Variants in DOK6 observed in about 807,000 individuals in gnomAD.
The protein encoded by DOK6 is docking protein 6.
A neutral mutation model predicts 44.0 loss-of-function variants in DOK6; 22 were observed. The ratio of observed to expected loss-of-function variants is 0.50; its 90% CI spans 0.36 to 0.71. The LOEUF is 0.71. DOK6 is among the 30% of genes least tolerant of loss of function. The pLI, the probability that DOK6 is intolerant of heterozygous loss-of-function variation, is 0.00. For synonymous variants in DOK6, 166 were observed against 145.5 expected, an observed-to-expected ratio of 1.14 and a Z score of -1.01; for missense variants, 340 against 416.4, an observed-to-expected ratio of 0.82 and a Z score of 1.60.
At chr18:69,588,647 C>T (rs1285450596) in intron 2 of DOK6, among the ~76,000 whole-genome samples, 1 of 152,030 alleles carries the variant, frequency 6.6e-6, no homozygotes. Context: ...CTGAGAGATT[C>T]CCACCAGGAC....
intron 3 of DOK6, among the ~76,000 whole-genome samples, chr18:69,670,269 T>C (rs1448001395): frequency 6.6e-6 from 1 of 152,142 alleles, no homozygotes; most frequent in Non-Finnish European, 1.5e-5. Context: ...CTCTGTATGA[T>C]TTCAGACTTC....
chr18:69,514,715 G>GTT (rs3044894), intron 1 of DOK6, among the ~76,000 whole-genome samples: 60,037 of 148,852 alleles, frequency 0.4, 12,976 homozygotes, highest in Non-Finnish European at 0.49. Context: ...TAGGTTTTTT[G>GTT]TTTTTTTTTA....
rs1403344044 is a variant in DOK6 at position 69,847,839 on chromosome 18, G to C, written c.*6456G>C. On this transcript the variant is annotated 3_prime_UTR_variant, in exon 8 of 8. Transcript: ENST00000382713. ...AACTTTGTTGTGAAAGCTGATAACA[G>C]AGTATGATTCTTTCCAGTTACAAAA... The C allele has an allele frequency of 6.6e-6, 1 of 151,842 alleles. No homozygotes were observed. Among genetic ancestry groups the C allele is most frequent in the Non-Finnish European group, 1.5e-5 (1 of 67,982 alleles). 9.4% of individuals were successfully genotyped at this position (151,842 alleles called of 1,614,324 possible).
At chr18:69,589,158 A>G (rs1360941793) in intron 2 of DOK6, among the ~76,000 whole-genome samples, 1 of 152,158 alleles carries the variant, frequency 6.6e-6, no homozygotes, top group Non-Finnish European at 1.5e-5. Context: ...ATGAGGTAAT[A>G]CAAATATTTA....
At chr18:69,484,897 G>C (rs1980530690) in intron 1 of DOK6, among the ~76,000 whole-genome samples, 1 of 152,094 alleles carries the variant, frequency 6.6e-6, no homozygotes, top group African/African-American at 2.4e-5. Context: ...TAGAACTCTG[G>C]AAAAGACACT....
chr18:69,753,220 A>C (rs1238184578), intron 6 of DOK6, among the ~76,000 whole-genome samples: 1 of 152,204 alleles, frequency 6.6e-6, no homozygotes, highest in African/African-American at 2.4e-5. Flanking sequence ...AAGTGTATTT[A>C]TATATTGCCT....
chr18:69,733,153 G>A (rs35414378), intron 5 of DOK6, among the ~76,000 whole-genome samples: 17,726 of 151,504 alleles, frequency 0.12, 1,044 homozygotes, highest in Middle Eastern at 0.16. Flanking sequence ...ATGCCTCTGC[G>A]CTCCAGCCTG....
chr18:69,715,383 A>C (rs1254429277), intron 5 of DOK6, among the ~76,000 whole-genome samples: 2 of 152,216 alleles, frequency 1.3e-5, no homozygotes, highest in African/African-American at 2.4e-5. Context: ...GCAGAACTTA[A>C]AGGGCACCAA....
intron 3 of DOK6, among the ~76,000 whole-genome samples, chr18:69,617,981 T>A (rs1035125703): frequency 4.6e-5 from 7 of 152,258 alleles, no homozygotes; most frequent in Non-Finnish European, 5.9e-5. Flanking sequence ...AGGACTGATA[T>A]CTTTGAGACA....
chr18:69,576,747 A>G (rs985753616), intron 2 of DOK6, among the ~76,000 whole-genome samples: 2 of 152,214 alleles, frequency 1.3e-5, no homozygotes, highest in African/African-American at 4.8e-5. Context: ...TTGAAAATGT[A>G]GCTGTATATA....
chr18:69,779,923 GA>G (rs113463267), intron 7 of DOK6, among the ~76,000 whole-genome samples: 1 of 151,654 alleles, frequency 6.6e-6, no homozygotes, highest in Non-Finnish European at 1.5e-5. Flanking sequence ...ACAGTTTCAT[GA>G]AAAAAATAAC....
rs370796718 is a variant in DOK6, at chr18:69,548,045, C to T, written c.67-16442C>T. Among the ~76,000 whole-genome samples the T allele has an allele frequency of 3.3e-5, 5 of 150,472 alleles. No individual in the cohort carries two copies. In the East Asian group the frequency reaches 9.6e-4, roughly 29 times the overall value. Reference sequence around the variant, plus strand: ...CTCAGCTCACTGCAAACTCCACCTCCCAGGTTCACTCCATTCTCCTGCCTC... The same window carrying T: ...CTCAGCTCACTGCAAACTCCACCTCTCAGGTTCACTCCATTCTCCTGCCTC... On this transcript the variant is annotated intron_variant, in intron 1 of 7. Transcript: ENST00000382713.
chr18:69,478,904 G>A (rs12961463), intron 1 of DOK6, among the ~76,000 whole-genome samples: 27,822 of 152,112 alleles, frequency 0.18, 3,246 homozygotes, highest in Non-Finnish European at 0.26. Flanking sequence ...CTTAAATTTA[G>A]TACAGGTTTT....
At chr18:69,784,214 C>T (rs1423419942) in intron 7 of DOK6, among the ~76,000 whole-genome samples, 1 of 151,946 alleles carries the variant, frequency 6.6e-6, no homozygotes, top group Non-Finnish European at 1.5e-5. Flanking sequence ...AAATTTTCCA[C>T]CCTTTTGTTA....
At chr18:69,668,116 A>T (rs1985705357) in intron 3 of DOK6, among the ~76,000 whole-genome samples, 1 of 151,930 alleles carries the variant, frequency 6.6e-6, no homozygotes. Context: ...TCTTTCCCTC[A>T]TACTCTGCTT....
chr18:69,680,055 T>C (rs1276087897), intron 4 of DOK6, among the ~76,000 whole-genome samples: 2 of 152,208 alleles, frequency 1.3e-5, no homozygotes, highest in Non-Finnish European at 2.9e-5. Flanking sequence ...CTATAAATGC[T>C]TTTCTTAGAT....
At chr18:69,757,194 A>G (rs1214078963) in intron 6 of DOK6, among the ~76,000 whole-genome samples, 2 of 152,236 alleles carry the variant, frequency 1.3e-5, no homozygotes, top group African/African-American at 4.8e-5. Context: ...AAGATTCTAT[A>G]ACAGGGGCAA....
chr18:69,829,748 G>A (rs1242283267), intron 7 of DOK6, among the ~76,000 whole-genome samples: 2 of 150,400 alleles, frequency 1.3e-5, no homozygotes, highest in Non-Finnish European at 3.0e-5. Context: ...ATTTGACCAC[G>A]AGAAATGAAA....
At chr18:69,798,090 G>T (rs531634323) in intron 7 of DOK6, among the ~76,000 whole-genome samples, 3 of 152,092 alleles carry the variant, frequency 2.0e-5, no homozygotes, top group Non-Finnish European at 2.9e-5. Flanking sequence ...GGACATATCC[G>T]CAGGTCAGTC....
Sources: allele counts gnomAD v4.1 joint callset (sites outside exome capture counted in the v4.1 genomes callset), GRCh38; gene constraint gnomAD v4.1.1; transcripts MANE v1.5; gene names NCBI Gene and HGNC (gene_info 2026-07-23, HGNC 2026-07-21).